RRP1: variants seen among roughly 807,000 people sequenced by gnomAD.
RRP1 encodes the protein ribosomal RNA processing protein 1 homolog A.
A neutral mutation model predicts 54.6 loss-of-function variants in RRP1; 37 were observed. The ratio of observed to expected loss-of-function variants is 0.68; its 90% CI spans 0.52 to 0.89. RRP1 has a LOEUF of 0.89. Among genes scored for constraint, RRP1 ranks in the 40% least tolerant of loss-of-function variants. The probability of loss-of-function intolerance (pLI) is 0.00; values close to 1 mark genes in which losing one functional copy is unlikely to be tolerated. For missense variants in RRP1, 639 were observed against 612.5 expected (o/e 1.04, Z -0.46); for synonymous variants, 262 against 244.3 (o/e 1.07, Z -0.67).
rs2085127353 is a variant in RRP1 at position 43,804,733 on chromosome 21, T to G, written c.*959T>G. 6.6e-6 allele frequency: 1 copy of G among 152,146 alleles called. No homozygotes were observed. Among genetic ancestry groups the G allele is most frequent in the Non-Finnish European group, 1.5e-5 (1 of 68,122 alleles). The allele number at this position is 152,146 out of a possible 1,614,324, so 9.4% of individuals were successfully genotyped here. ...TCCAGCGAGAGGCCAGGGCTTGGAGTGGGCCTGGGACCAGGAAGGACCTCT... is the reference window on the plus strand; with the variant it reads ...TCCAGCGAGAGGCCAGGGCTTGGAGGGGGCCTGGGACCAGGAAGGACCTCT... On this transcript the variant is annotated 3_prime_UTR_variant, in exon 13 of 13. Transcript: ENST00000497547. This position sits in a 1 kb window ranked among gnomAD's most constrained non-coding sequence, Gnocchi z 4.3.
rs889096429 is a variant in RRP1, at chr21:43,799,797, A to G, written c.891+148A>G. On this transcript the variant is annotated intron_variant, in intron 9 of 12. Coordinates refer to ENST00000497547, the MANE Select transcript of RRP1 (RefSeq NM_003683.6). ...GACAGGGGTTAGCTTTGAAGGAGGGATGGGTGCCCCAACCCTGCCCGCCTG... is the reference window on the plus strand; with the variant it reads ...GACAGGGGTTAGCTTTGAAGGAGGGGTGGGTGCCCCAACCCTGCCCGCCTG... 20 of 581,342 alleles carry G rather than the reference A, an allele frequency of 3.4e-5. No individual in the cohort carries two copies. In the East Asian group the frequency reaches 8.8e-4, roughly 25 times the overall value. 36.0% of individuals were successfully genotyped at this position (581,342 alleles called of 1,614,324 possible).
rs754093046 is a variant in RRP1, at chr21:43,799,690, C to T, written c.891+41C>T. On this transcript the variant is annotated intron_variant, in intron 9 of 12. Coordinates refer to ENST00000497547, the MANE Select transcript of RRP1 (RefSeq NM_003683.6). The stretch of plus-strand genomic sequence containing the variant: ...TCATGGCTGTGCCCTCAGCCTTTGC[C>T]CCTCTGTGCTACCGCTTGCTCTGGA... 5 of 1,565,136 alleles carry T rather than the reference C, an allele frequency of 3.2e-6. No individual in the cohort carries two copies. The South Asian group carries it at 4.6e-5, about 14-fold the overall frequency.
intron 6 of RRP1, 21 bp downstream of exon 6, chr21:43,797,572 G>A (rs2085034469): frequency 3.7e-6 from 6 of 1,613,828 alleles, no homozygotes; most frequent in African/African-American, 1.3e-5. Flanking sequence ...GCTCCGACGG[G>A]GCGGTGGAGC....
intron 4 of RRP1, among the ~76,000 whole-genome samples, chr21:43,794,951 C>A (rs1443358400): frequency 6.6e-6 from 1 of 152,238 alleles, no homozygotes; most frequent in African/African-American, 2.4e-5. Context: ...TGCTTCCTGC[C>A]AGCTGGGGCC....
At chr21:43,793,245 C>G in intron 3 of RRP1, 74 bp from the exon 4 acceptor site, 1 of 1,345,124 alleles carries the variant, frequency 7.4e-7, no homozygotes, top group South Asian at 1.2e-5. Flanking sequence ...ACGGGTTCCT[C>G]CATGTTCTCA....
At chr21:43,799,901 A>G (rs1302469116) in intron 9 of RRP1, among the ~76,000 whole-genome samples, 3 of 152,110 alleles carry the variant, frequency 2.0e-5, no homozygotes, top group Non-Finnish European at 2.9e-5. Flanking sequence ...GCTCAGGCAG[A>G]ACTGCATTAT....
chr21:43,801,778 C>T (rs966440168), intron 11 of RRP1, among the ~76,000 whole-genome samples: 6 of 152,136 alleles, frequency 3.9e-5, no homozygotes, highest in African/African-American at 1.4e-4. Context: ...TGCCTTGGGC[C>T]GCCAGCATGA....
At position 43,803,628 on chromosome 21, in the gene RRP1, G is replaced by A. The variant is rs1029595130; in HGVS notation, c.1240G>A (p.Glu414Lys). The change falls in exon 13 of 13, where the codon GAG (glutamate) becomes AAG (lysine). Residue 414 changes from glutamate to lysine, a missense_variant. Glu to Lys is a moderately conservative substitution (Grantham distance 56). Coordinates refer to ENST00000497547, the MANE Select transcript of RRP1 (RefSeq NM_003683.6). ...GGCTGGTGAGCAGCCAGGCACAGCT[G>A]AGCGGGCCCTGCTCCGAGATCAGCC... is the stretch of plus-strand genomic sequence containing the variant. ...AEAGEQPGTA[E>K]RALLRDQPRG... 6.4e-7 allele frequency: 1 copy of A among 1,551,100 alleles called. No individual in the cohort carries two copies. The highest frequency in any genetic ancestry group is 8.7e-7 in the Non-Finnish European group (1 of 1,147,816).
Position 43,803,801 on chromosome 21 carries a change from A to C in RRP1, c.*27A>C. The C allele has an allele frequency of 6.5e-7, 1 of 1,542,666 alleles. No individual in the cohort carries two copies. On this transcript the variant is annotated 3_prime_UTR_variant, in exon 13 of 13. Coordinates refer to ENST00000497547, the MANE Select transcript of RRP1 (RefSeq NM_003683.6). Reference sequence around the variant, plus strand: ...GTGGCCGGGCCAAGGACAGGCAGGGAGGGAGGCCAGGCCTCGCTTGCACCG... The same window carrying C: ...GTGGCCGGGCCAAGGACAGGCAGGGCGGGAGGCCAGGCCTCGCTTGCACCG...
chr21:43,791,301 C>T, intron 1 of RRP1, 49 bp from the exon 2 acceptor site: 2 of 1,590,970 alleles, frequency 1.3e-6, no homozygotes, highest in Non-Finnish European at 1.7e-6. Flanking sequence ...CTTTCTGGCA[C>T]TCGAAGGTGT....
chr21:43,790,735 C>A (rs776073610), intron 1 of RRP1: 9 of 289,396 alleles, frequency 3.1e-5, no homozygotes, highest in Admixed American at 4.8e-5. Context: ...CTACTGGCAC[C>A]GTGCGGCCAG....
intron 8 of RRP1, among the ~76,000 whole-genome samples, chr21:43,798,581 C>T (rs1175123168): frequency 6.6e-6 from 1 of 152,168 alleles, no homozygotes; most frequent in African/African-American, 2.4e-5. Flanking sequence ...GGACAGCAAG[C>T]TCTGTCCATA....
intron 12 of RRP1, among the ~76,000 whole-genome samples, chr21:43,803,133 T>C (rs1243198041): frequency 6.6e-6 from 1 of 152,268 alleles, no homozygotes; most frequent in Non-Finnish European, 1.5e-5. Context: ...CATGAGGCAG[T>C]GGCCTCCTCT....
chr21:43,799,987 G>A (rs1024068049), intron 9 of RRP1, among the ~76,000 whole-genome samples: 4 of 152,258 alleles, frequency 2.6e-5, no homozygotes, highest in Non-Finnish European at 4.4e-5. Flanking sequence ...CGGCCCCCTC[G>A]TTGGGGTGCT....
At chr21:43,791,586 T>G (rs747699982) in intron 2 of RRP1, among the ~76,000 whole-genome samples, 154 bp downstream of exon 2, 2 of 151,896 alleles carry the variant, frequency 1.3e-5, no homozygotes, top group Non-Finnish European at 2.9e-5. Flanking sequence ...TACTGCAACC[T>G]CAGCCTTCTG....
chr21:43,789,873 G>C, intron 1 of RRP1, 111 bp downstream of exon 1: 2 of 1,287,340 alleles, frequency 1.6e-6, no homozygotes, highest in Non-Finnish European at 2.0e-6. Context: ...ACCTCCACGT[G>C]GCCGGGCCGG....
intron 2 of RRP1, among the ~76,000 whole-genome samples, 195 bp downstream of exon 2, chr21:43,791,627 C>T (rs953418439): frequency 6.6e-6 from 1 of 152,116 alleles, no homozygotes; most frequent in Non-Finnish European, 1.5e-5. Flanking sequence ...CTCAGCCTCC[C>T]AAGTAGCTGG....
At chr21:43,798,602 C>T (rs984097245) in intron 8 of RRP1, among the ~76,000 whole-genome samples, 1 of 152,086 alleles carries the variant, frequency 6.6e-6, no homozygotes, top group African/African-American at 2.4e-5. Flanking sequence ...TTGACCATGA[C>T]TGGGTTCAGG....
At chr21:43,799,717 GAGGAGGGGGGCGTT>G (rs2085064556) in intron 9 of RRP1, 68 bp downstream of exon 9, 2 of 1,439,898 alleles carry the variant, frequency 1.4e-6, no homozygotes, top group African/African-American at 2.8e-5. Context: ...TGCTCTGGAA[GAGGAGGGGGGCGTT>G]AGGAGGGAGG....
Sources: allele counts gnomAD v4.1 joint callset (sites outside exome capture counted in the v4.1 genomes callset), GRCh38; gene constraint gnomAD v4.1.1; non-coding constraint Gnocchi (gnomAD v3.1); transcripts MANE v1.5; gene names NCBI Gene and HGNC (gene_info 2026-07-23, HGNC 2026-07-21).